Variants in FAM110B observed in about 807,000 individuals in gnomAD.
FAM110B encodes protein FAM110B.
Under a neutral mutation model 20.4 loss-of-function variants are expected in FAM110B, and 6 were observed. The ratio of observed to expected loss-of-function variants is 0.29; its 90% CI spans 0.16 to 0.58. FAM110B has a LOEUF of 0.58. Ranked by LOEUF, FAM110B falls within the 20% of genes least tolerant of loss-of-function variation. The pLI is 0.90. For synonymous variants in FAM110B, 226 were observed against 214.1 expected (o/e 1.06, Z -0.49); for missense variants, 434 against 498.2 (o/e 0.87, Z 1.23).
At chr8:58,138,780 CTT>C (rs1376130397) in intron 3 of FAM110B, among the ~76,000 whole-genome samples, 2 of 152,224 alleles carry the variant, frequency 1.3e-5, no homozygotes, top group Non-Finnish European at 2.9e-5. Context: ...GTCAAAATAA[CTT>C]TTCCGTTTGA....
chr8:58,021,421 T>G (rs1037605455), intron 1 of FAM110B, among the ~76,000 whole-genome samples: 16 of 152,186 alleles, frequency 1.1e-4, no homozygotes, highest in African/African-American at 3.9e-4. Context: ...CTTTTTCAGT[T>G]ATGGAACTGC....
chr8:58,082,843 T>TG lies in FAM110B; in HGVS notation c.-325+7220_-325+7221insG, dbSNP rs201339422. Among the ~76,000 whole-genome samples, 92 of 127,110 alleles carry TG rather than the reference T, an allele frequency of 7.2e-4. 1 individual carries two copies. Among genetic ancestry groups the TG allele is most frequent in the African/African-American group, 4.7e-3 (90 of 19,020 alleles). The allele number at this position is 127,110 out of a possible 152,430, so 83.4% of individuals were successfully genotyped here. A position where few individuals can be genotyped will look rare whatever the true frequency, so the allele number is the denominator to read the frequency against. ...GACCCCCATCTCCATTTTTGTTTTTTTTTGTTTTTTTTTTTTTTAAATGAG... is the reference window on the plus strand; with the variant it reads ...GACCCCCATCTCCATTTTTGTTTTTTGTTTGTTTTTTTTTTTTTTAAATGAG... On this transcript the variant is annotated intron_variant, in intron 3 of 3. Coordinates refer to ENST00000519262, the MANE Select transcript of FAM110B (RefSeq NM_001377989.1).
At chr8:58,138,905 A>G (rs565977703) in intron 3 of FAM110B, among the ~76,000 whole-genome samples, 2 of 152,340 alleles carry the variant, frequency 1.3e-5, no homozygotes, top group South Asian at 2.1e-4. Flanking sequence ...GTTAGAAGGT[A>G]AAAGTTGGCC....
chr8:57,995,689 G>A (rs111534767), intron 1 of FAM110B, among the ~76,000 whole-genome samples: 7 of 152,338 alleles, frequency 4.6e-5, no homozygotes, highest in African/African-American at 1.7e-4. Flanking sequence ...ACTCTGGAAA[G>A]TGGAAAGAAA....
rs758282215 is a variant in FAM110B, at chr8:58,027,469, CTA to C, written c.-511-4136_-511-4135del. Among the ~76,000 whole-genome samples the C allele has an allele frequency of 2.4e-4, 36 of 151,664 alleles. 1 individual carries two copies. In the Middle Eastern group the frequency reaches 0.017, roughly 72 times the overall value. On this transcript the variant is annotated intron_variant, in intron 1 of 3. Transcript: ENST00000519262. ...TTTGTGAGTTACAATGTATATATAA[CTA>C]AATTTACTGATTTTAAGTGTATGGT... is the stretch of plus-strand genomic sequence containing the variant.
intron 3 of FAM110B, among the ~76,000 whole-genome samples, chr8:58,142,603 G>C (rs1803768041): frequency 7.5e-6 from 1 of 133,420 alleles, no homozygotes; most frequent in Admixed American, 8.8e-5. Flanking sequence ...GTTCACATTT[G>C]AGTTCATATC....
chr8:58,086,780 T>G (rs1027204372), intron 3 of FAM110B, among the ~76,000 whole-genome samples: 1 of 152,238 alleles, frequency 6.6e-6, no homozygotes, highest in Non-Finnish European at 1.5e-5. Flanking sequence ...TCCATTTCAA[T>G]AGAGGTATAT....
intron 2 of FAM110B, among the ~76,000 whole-genome samples, chr8:58,056,233 T>A (rs896711586): frequency 6.6e-6 from 1 of 152,222 alleles, no homozygotes; most frequent in Non-Finnish European, 1.5e-5. Flanking sequence ...ATATATAACT[T>A]TTTTAAAAAC....
intron 3 of FAM110B, among the ~76,000 whole-genome samples, chr8:58,110,855 T>C (rs1434241495): frequency 6.6e-6 from 1 of 152,176 alleles, no homozygotes; most frequent in Admixed American, 6.5e-5. Context: ...GAAATATTAT[T>C]GGTTATTACT....
At chr8:58,092,916 CTGATTTTT>C (rs1169777600) in intron 3 of FAM110B, among the ~76,000 whole-genome samples, 1 of 152,126 alleles carries the variant, frequency 6.6e-6, no homozygotes, top group Non-Finnish European at 1.5e-5. Flanking sequence ...CTATTGTTTC[CTGATTTTT>C]AAATGATCGC....
chr8:58,145,836 G>A (rs914827615), intron 3 of FAM110B, 71 bp from the exon 4 acceptor site: 7 of 160,652 alleles, frequency 4.4e-5, no homozygotes, highest in Non-Finnish European at 8.1e-5. Context: ...GGCGCTGCGG[G>A]GTTTCTCTGT....
intron 1 of FAM110B, among the ~76,000 whole-genome samples, chr8:58,024,838 C>G (rs1206444207): frequency 6.6e-6 from 1 of 152,192 alleles, no homozygotes; most frequent in Non-Finnish European, 1.5e-5. Flanking sequence ...CAGTTGATTT[C>G]AGAATGCCAA....
chr8:58,091,654 G>A (rs1048188749), intron 3 of FAM110B: 8 of 152,110 alleles, frequency 5.3e-5, no homozygotes, highest in African/African-American at 1.4e-4. Context: ...ATAAGCATAG[G>A]TAATTTTTAC....
intron 3 of FAM110B, among the ~76,000 whole-genome samples, chr8:58,136,781 G>A (rs4279582): frequency 0.96 from 146,068 of 152,292 alleles, 70,233 homozygotes; most frequent in African/African-American, 0.99. Flanking sequence ...CTATTTCATT[G>A]TAGTTGTCTT....
chr8:58,103,675 C>G (rs1806841976), intron 3 of FAM110B, among the ~76,000 whole-genome samples: 2 of 152,144 alleles, frequency 1.3e-5, no homozygotes, highest in African/African-American at 4.8e-5. Context: ...TGTTTTCTAA[C>G]CTGGCATTCC....
chr8:58,089,894 A>T (rs933431480), intron 3 of FAM110B, among the ~76,000 whole-genome samples: 1 of 152,224 alleles, frequency 6.6e-6, no homozygotes, highest in Non-Finnish European at 1.5e-5. Context: ...CACATGCAGT[A>T]TGATTTCTGT....
intron 3 of FAM110B, among the ~76,000 whole-genome samples, chr8:58,099,860 G>A (rs1806734034): frequency 6.6e-6 from 1 of 152,126 alleles, no homozygotes; most frequent in African/African-American, 2.4e-5. Context: ...AAAGCTCTGT[G>A]TTTTATGTGC....
chr8:58,139,302 C>T (rs1047249161), intron 3 of FAM110B, among the ~76,000 whole-genome samples: 1 of 152,138 alleles, frequency 6.6e-6, no homozygotes, highest in African/African-American at 2.4e-5. Flanking sequence ...ATGCTAAGGT[C>T]AGAAAGAGAA....
At position 58,038,261 on chromosome 8, in the gene FAM110B, C is replaced by A. The variant is rs919229668; in HGVS notation, c.-414+6558C>A. 3.3e-5 allele frequency among the ~76,000 whole-genome samples: 5 copies of A among 152,244 alleles called. No individual in the cohort carries two copies. The East Asian group carries it at 9.7e-4, about 29-fold the overall frequency. ...AGCTGCCATCACTCCTCATCATCAA[C>A]CCTCGGACCATTAATGACTGTTCTG... On this transcript the variant is annotated intron_variant, in intron 2 of 3. Coordinates refer to ENST00000519262, the MANE Select transcript of FAM110B (RefSeq NM_001377989.1).
Sources: allele counts gnomAD v4.1 joint callset (sites outside exome capture counted in the v4.1 genomes callset), GRCh38; gene constraint gnomAD v4.1.1; transcripts MANE v1.5; gene names NCBI Gene and HGNC (gene_info 2026-07-23, HGNC 2026-07-21).